Variants in LDLRAD4 observed in about 807,000 individuals in gnomAD.
LDLRAD4 encodes low-density lipoprotein receptor class A domain-containing protein 4.
LDLRAD4 carries 5 observed loss-of-function variants against 17.0 expected under a neutral mutation model. The observed-to-expected ratio is 0.29, with a 90% CI of 0.15 to 0.62. The LOEUF (loss-of-function observed/expected upper bound fraction) is 0.62, where lower values mean the gene tolerates loss of function less well. Among genes scored for constraint, LDLRAD4 ranks in the 20% least tolerant of loss-of-function variants. The pLI is 0.84. For synonymous variants in LDLRAD4, 168 were observed against 171.8 expected, an observed-to-expected ratio of 0.98 and a Z score of 0.17; for missense variants, 340 against 424.7, an observed-to-expected ratio of 0.80 and a Z score of 1.75.
At chr18:13,265,165 T>C (rs2044145209) in intron 1 of LDLRAD4, among the ~76,000 whole-genome samples, 1 of 152,172 alleles carries the variant, frequency 6.6e-6, no homozygotes, top group Non-Finnish European at 1.5e-5. Context: ...GCCTGGACTT[T>C]TGCAACAGCC....
chr18:13,636,404 C>T (rs1601846923), intron 4 of LDLRAD4, among the ~76,000 whole-genome samples: 1 of 147,014 alleles, frequency 6.8e-6, no homozygotes, highest in Non-Finnish European at 1.5e-5. Flanking sequence ...TATTCATTCA[C>T]AATACAGATT....
chr18:13,257,745 C>A (rs570656754), intron 1 of LDLRAD4, among the ~76,000 whole-genome samples: 13 of 152,292 alleles, frequency 8.5e-5, no homozygotes, highest in Non-Finnish European at 1.8e-4. Flanking sequence ...GTGCTCCTAG[C>A]ATCTAGTGGG....
At chr18:13,235,913 AT>A (rs1273391980) in intron 1 of LDLRAD4, among the ~76,000 whole-genome samples, 3 of 152,232 alleles carry the variant, frequency 2.0e-5, no homozygotes, top group Admixed American at 2.0e-4. Context: ...GTCTTGGCAT[AT>A]AGTGCTAAGG....
At chr18:13,249,586 A>T (rs1281013698) in intron 1 of LDLRAD4, among the ~76,000 whole-genome samples, 1 of 151,584 alleles carries the variant, frequency 6.6e-6, no homozygotes, top group Non-Finnish European at 1.5e-5. Flanking sequence ...TCTCATTTTA[A>T]AATTAGATCT....
intron 2 of LDLRAD4, among the ~76,000 whole-genome samples, chr18:13,417,866 G>T (rs1269553244): frequency 1.3e-5 from 2 of 152,154 alleles, no homozygotes; most frequent in African/African-American, 4.8e-5. Flanking sequence ...GTTTGTGTGT[G>T]TGTGTTTCTT....
At chr18:13,426,884 G>T (rs927619043) in intron 2 of LDLRAD4, among the ~76,000 whole-genome samples, 5 of 152,172 alleles carry the variant, frequency 3.3e-5, no homozygotes, top group Non-Finnish European at 7.3e-5. Flanking sequence ...GGTCAGTGAG[G>T]TTTGAGATCT....
intron 3 of LDLRAD4, among the ~76,000 whole-genome samples, chr18:13,479,484 G>A (rs889093830): frequency 1.3e-5 from 2 of 152,316 alleles, no homozygotes; most frequent in African/African-American, 4.8e-5. Context: ...AGCTGGACAT[G>A]GTGGTGGGTG....
At chr18:13,583,577 A>C (rs1481365197) in intron 3 of LDLRAD4, among the ~76,000 whole-genome samples, 1 of 152,344 alleles carries the variant, frequency 6.6e-6, no homozygotes, top group Non-Finnish European at 1.5e-5. Flanking sequence ...TATTTAGAGG[A>C]ACATAATATC....
intron 3 of LDLRAD4, among the ~76,000 whole-genome samples, chr18:13,505,811 C>T (rs958000347): frequency 1.3e-5 from 2 of 151,936 alleles, no homozygotes; most frequent in African/African-American, 4.8e-5. Context: ...GAGCAAGACT[C>T]TGTCTCAAAA....
At chr18:13,290,732 G>A (rs2045918299) in intron 1 of LDLRAD4, among the ~76,000 whole-genome samples, 3 of 152,204 alleles carry the variant, frequency 2.0e-5, no homozygotes, top group Admixed American at 6.5e-5. Flanking sequence ...TCAGGTGCTG[G>A]TGCATTCTCA....
intron 2 of LDLRAD4, among the ~76,000 whole-genome samples, chr18:13,417,325 G>A (rs538084772): frequency 1.2e-4 from 18 of 152,270 alleles, no homozygotes; most frequent in Middle Eastern, 3.4e-3. Context: ...AATTCAATGC[G>A]AAAGTTAGGT....
intron 1 of LDLRAD4, among the ~76,000 whole-genome samples, chr18:13,302,603 A>G (rs9960998): frequency 0.4 from 60,860 of 151,960 alleles, 12,676 homozygotes; most frequent in African/African-American, 0.48. Flanking sequence ...AGTGTCCTGC[A>G]TGAAATTTAT....
At chr18:13,281,328 G>A (rs1223212830) in intron 1 of LDLRAD4, among the ~76,000 whole-genome samples, 2 of 152,200 alleles carry the variant, frequency 1.3e-5, no homozygotes, top group African/African-American at 4.8e-5. Flanking sequence ...GTTTGAGGCT[G>A]CAGTGAGCTA....
intron 1 of LDLRAD4, among the ~76,000 whole-genome samples, chr18:13,239,186 CAA>C (rs35736846): frequency 9.1e-5 from 11 of 121,266 alleles, no homozygotes; most frequent in Non-Finnish European, 1.4e-4. Context: ...GACTCTGTCT[CAA>C]AAAAAAAAAA....
rs61241675 is a variant in LDLRAD4 at position 13,586,862 on chromosome 18, T to TAA, written c.182-34240_182-34239dup. 7.7e-5 allele frequency among the ~76,000 whole-genome samples: 8 copies of TAA among 104,190 alleles called. No homozygotes were observed. The South Asian group carries it at 2.1e-3, about 28-fold the overall frequency. The allele number at this position is 104,190 out of a possible 152,430, so 68.4% of individuals were successfully genotyped here. On this transcript the variant is annotated intron_variant, in intron 3 of 5. Transcript: ENST00000359446. The stretch of plus-strand genomic sequence containing the variant: ...GGGTGACAGAGTGAGACTCTGAATC[T>TAA]AAAAAAAAAAAAAAAAGGAAAAAAA...
chr18:13,288,374 A>C (rs537081569), intron 1 of LDLRAD4, among the ~76,000 whole-genome samples: 1 of 152,356 alleles, frequency 6.6e-6, no homozygotes, highest in African/African-American at 2.4e-5. Flanking sequence ...CTGAAAGATT[A>C]GTTTAGCTAT....
intron 3 of LDLRAD4, among the ~76,000 whole-genome samples, chr18:13,541,281 C>G (rs9954507): frequency 1.3e-5 from 2 of 152,174 alleles, no homozygotes; most frequent in Admixed American, 6.5e-5. Flanking sequence ...AATGCGTGGT[C>G]CACTTTAAGT....
chr18:13,421,552 TC>T (rs1304902178), intron 2 of LDLRAD4, among the ~76,000 whole-genome samples: 13 of 151,872 alleles, frequency 8.6e-5, no homozygotes, highest in African/African-American at 3.1e-4. Flanking sequence ...TGCCTGGGAG[TC>T]CTCAGGGTTC....
chr18:13,316,866 G>A (rs2080961573), intron 1 of LDLRAD4, among the ~76,000 whole-genome samples: 1 of 152,154 alleles, frequency 6.6e-6, no homozygotes. Context: ...AGGGAGAGAT[G>A]TACAAACCAA....
Sources: gnomAD v4.1 joint callset for allele counts (sites outside exome capture counted in the v4.1 genomes callset) on GRCh38, gnomAD v4.1.1 for gene constraint, MANE v1.5 for transcripts, NCBI Gene and HGNC (gene_info 2026-07-23, HGNC 2026-07-21) for gene names.